Variants in CRLF1 observed in about 807,000 individuals in gnomAD.
CRLF1 encodes cytokine receptor like factor 1.
In CRLF1, 36 loss-of-function variants were observed where a neutral mutation model predicts 48.9. That is an observed-to-expected ratio of 0.74 (90% CI 0.56 to 0.97). The LOEUF (loss-of-function observed/expected upper bound fraction) is 0.97, where lower values mean the gene tolerates loss of function less well. Among genes scored for constraint, CRLF1 ranks in the 50% least tolerant of loss-of-function variants. CRLF1 has a pLI of 0.00. For synonymous variants in CRLF1, 256 were observed against 253.4 expected (o/e 1.01, Z -0.10); for missense variants, 534 against 575.1 (o/e 0.93, Z 0.73).
chr19:18,596,867 C>T (rs763321938), intron 5 of CRLF1, 25 bp downstream of exon 5: 20 of 1,613,582 alleles, frequency 1.2e-5, no homozygotes, highest in Admixed American at 1.7e-5. Flanking sequence ...GGAACAGGGG[C>T]GGAGTCAGGG....
chr19:18,594,655 G>A (rs1976106720), intron 6 of CRLF1, among the ~76,000 whole-genome samples: 1 of 151,868 alleles, frequency 6.6e-6, no homozygotes, highest in Admixed American at 6.6e-5. Context: ...GAAGGAAGGG[G>A]CTCCTCCTCC....
chr19:18,605,722 G>T (rs978833707), intron 1 of CRLF1, among the ~76,000 whole-genome samples: 1 of 152,184 alleles, frequency 6.6e-6, no homozygotes, highest in Non-Finnish European at 1.5e-5. Flanking sequence ...CCTTGCGGGG[G>T]TGTTCCTTGG....
intron 1 of CRLF1, among the ~76,000 whole-genome samples, chr19:18,603,350 A>T (rs1429159688): frequency 6.6e-6 from 1 of 152,204 alleles, no homozygotes; most frequent in Non-Finnish European, 1.5e-5. Context: ...CAGAGACCTG[A>T]ATAAAGTAAG....
At chr19:18,598,946 T>C in intron 2 of CRLF1, 45 bp from the exon 3 acceptor site, 3 of 1,607,946 alleles carry the variant, frequency 1.9e-6, no homozygotes, top group Non-Finnish European at 8.5e-7. Flanking sequence ...GGGTCTGGAC[T>C]AGCTGAGCCT....
Position 18,606,039 on chromosome 19 carries a change from C to A in CRLF1, c.115+503G>T, listed in dbSNP as rs1263693444. Among the ~76,000 whole-genome samples, 1 of 151,758 alleles carries A rather than the reference C, an allele frequency of 6.6e-6. No homozygotes were observed. The highest frequency in any genetic ancestry group is 1.5e-5 in the Non-Finnish European group (1 of 67,840). Reference sequence around the variant, plus strand: ...GCGCCGGCCCGTGGAGACACAAGTCCCCCGGGACCCCGGGCTGCGCGCCAG... The same window carrying A: ...GCGCCGGCCCGTGGAGACACAAGTCACCCGGGACCCCGGGCTGCGCGCCAG... On this transcript the variant is annotated intron_variant, in intron 1 of 8. Coordinates refer to ENST00000392386, the MANE Select transcript of CRLF1 (RefSeq NM_004750.5). The surrounding 1 kb of genome is among the most constrained non-coding windows in gnomAD (Gnocchi z 4.8).
At chr19:18,601,483 G>C (rs1347993053) in intron 1 of CRLF1, among the ~76,000 whole-genome samples, 1 of 152,058 alleles carries the variant, frequency 6.6e-6, no homozygotes, top group African/African-American at 2.4e-5. Flanking sequence ...CACCGTGCTG[G>C]TCAGGCTGGT....
Position 18,593,309 on chromosome 19 carries a change from C to T in CRLF1, c.*257G>A, listed in dbSNP as rs1396215195. The T allele has an allele frequency of 1.8e-6, 1 of 545,740 alleles. No homozygotes were observed. The highest frequency in any genetic ancestry group is 1.9e-5 in the African/African-American group (1 of 52,812). The allele number at this position is 545,740 out of a possible 1,614,324, so 33.8% of individuals were successfully genotyped here. A position where few individuals can be genotyped will look rare whatever the true frequency, so the allele number is the denominator to read the frequency against. On this transcript the variant is annotated 3_prime_UTR_variant, in exon 9 of 9. Transcript: ENST00000392386. ...TAGGTAATGGGGAGTAATGACTCCC[C>T]TTCTCACCCCCAGCCCTGGCAGGGG...
chr19:18,596,720 A>G lies in CRLF1; in HGVS notation c.926T>C (p.Val309Ala), dbSNP rs1220269556. The G allele has an allele frequency of 6.2e-7, 1 of 1,614,096 alleles. No individual in the cohort carries two copies. Among genetic ancestry groups the G allele is most frequent in the Non-Finnish European group, 8.5e-7 (1 of 1,180,028 alleles). Residue 309 changes from valine (V) to alanine (A), a missense_variant, in exon 6 of 9, where the codon GTG becomes GCG. Transcript: ENST00000392386. ...GCCAAAGGGGTTGCAGCGCACTTGC[A>G]CGAAGTACACGGTGCCGGGTTTCAG... is the stretch of plus-strand genomic sequence containing the variant. ...AGLKPGTVYF[V>A]QVRCNPFGIY...
At chr19:18,599,889 C>G (rs372347500) in intron 1 of CRLF1, 43 bp from the exon 2 acceptor site, 17 of 1,468,580 alleles carry the variant, frequency 1.2e-5, no homozygotes, top group Admixed American at 2.7e-5. Context: ...GGCGGGGACC[C>G]TCCAAGCCCC....
In CRLF1 at chr19:18,593,313, T is replaced by C; in HGVS notation, c.*253A>G. On this transcript the variant is annotated 3_prime_UTR_variant, in exon 9 of 9. Coordinates refer to ENST00000392386, the MANE Select transcript of CRLF1 (RefSeq NM_004750.5). Reference sequence around the variant, plus strand: ...TAATGGGGAGTAATGACTCCCCTTCTCACCCCCAGCCCTGGCAGGGGTTCT... The same window carrying C: ...TAATGGGGAGTAATGACTCCCCTTCCCACCCCCAGCCCTGGCAGGGGTTCT... 1.8e-6 allele frequency: 1 copy of C among 549,532 alleles called. No individual in the cohort carries two copies. The highest frequency in any genetic ancestry group is 3.3e-6 in the Non-Finnish European group (1 of 304,524). The allele number at this position is 549,532 out of a possible 1,614,324, so 34.0% of individuals were successfully genotyped here.
At chr19:18,599,909 C>T in intron 1 of CRLF1, 63 bp from the exon 2 acceptor site, 1 of 1,431,492 alleles carries the variant, frequency 7.0e-7, no homozygotes, top group Non-Finnish European at 9.3e-7. Context: ...CCAACCATGC[C>T]AGGACCTCCA....
At chr19:18,597,396 T>A (rs1976153781) in intron 4 of CRLF1, among the ~76,000 whole-genome samples, 1 of 150,426 alleles carries the variant, frequency 6.6e-6, no homozygotes, top group African/African-American at 2.4e-5. Flanking sequence ...GGAACCTCCC[T>A]GCCACCCCCT....
At chr19:18,597,102 C>T in intron 4 of CRLF1, 53 bp from the exon 5 acceptor site, 2 of 1,572,634 alleles carry the variant, frequency 1.3e-6, no homozygotes, top group East Asian at 2.3e-5. Flanking sequence ...GGTTTAACTC[C>T]CCCCAGCAGT....
chr19:18,599,068 C>A, intron 2 of CRLF1, 167 bp from the exon 3 acceptor site: 14 of 985,344 alleles, frequency 1.4e-5, no homozygotes, highest in Non-Finnish European at 1.7e-5. Context: ...GGTGTGACAA[C>A]TGCAAGGGCT....
At chr19:18,598,695 G>A (rs1397224680) in intron 3 of CRLF1, 77 bp downstream of exon 3, 3 of 1,613,534 alleles carry the variant, frequency 1.9e-6, no homozygotes, top group African/African-American at 1.3e-5. Context: ...ACACATGGGG[G>A]CTCAGAGAGG....
rs745392621 is a variant in CRLF1 at position 18,596,923 on chromosome 19, C to T, written c.824G>A (p.Arg275His). 5 of 1,614,100 alleles carry T rather than the reference C, an allele frequency of 3.1e-6. No homozygotes were observed. Among genetic ancestry groups the T allele is most frequent in the Admixed American group, 1.7e-5 (1 of 60,024 alleles). Residue 275 changes from arginine (R) to histidine (H), a missense_variant, in exon 5 of 9, where the codon CGC becomes CAC. Arg to His is a conservative substitution (Grantham distance 29). This residue lies in a region of CRLF1 where 528 missense variants were observed against 555.7 expected (regional missense o/e 0.95). Coordinates refer to ENST00000392386, the MANE Select transcript of CRLF1 (RefSeq NM_004750.5). The part of the protein sequence containing the change: ...DFLFQAKYQI[R>H]YRVEDSVDWK... ...GTCCACACTGTCCTCCACTCGGTAG[C>T]GGATCTGGTATTTGGCTTGAAAGAG... is the stretch of plus-strand genomic sequence containing the variant.
At chr19:18,596,117 T>C (rs1298165623) in intron 6 of CRLF1, among the ~76,000 whole-genome samples, 1 of 152,252 alleles carries the variant, frequency 6.6e-6, no homozygotes, top group Non-Finnish European at 1.5e-5. Context: ...CTTCCTGGGT[T>C]TAAAATTTCT....
intron 1 of CRLF1, 21 bp from the exon 2 acceptor site, chr19:18,599,867 G>C: frequency 6.6e-7 from 1 of 1,505,136 alleles, no homozygotes; most frequent in Non-Finnish European, 8.9e-7. Context: ...AGAGGAACAC[G>C]TGTCAGGCCA....
intron 1 of CRLF1, among the ~76,000 whole-genome samples, chr19:18,604,352 C>T (rs1976261669): frequency 1.3e-5 from 2 of 152,210 alleles, no homozygotes; most frequent in South Asian, 2.1e-4. Context: ...TAGCCCCAGC[C>T]GGTAAGGTCA....
Sources: allele counts gnomAD v4.1 joint callset (sites outside exome capture counted in the v4.1 genomes callset), GRCh38; gene constraint gnomAD v4.1.1; regional missense constraint gnomAD v4.1.1; non-coding constraint Gnocchi (gnomAD v3.1); transcripts MANE v1.5; gene names NCBI Gene and HGNC (gene_info 2026-07-23, HGNC 2026-07-21).